The following CFAP91 variants were observed in gnomAD, a reference collection of about 807,000 sequenced individuals.
CFAP91 encodes the protein cilia- and flagella-associated protein 91.
A neutral mutation model predicts 95.9 loss-of-function variants in CFAP91; 85 were observed. The ratio of observed to expected loss-of-function variants is 0.89; its 90% CI spans 0.74 to 1.06. CFAP91 has a LOEUF of 1.06. Among genes scored for constraint, CFAP91 ranks in the 50% least tolerant of loss-of-function variants. The pLI is 0.00. For missense variants in CFAP91, 962 were observed against 943.4 expected (o/e 1.02, Z -0.26); for synonymous variants, 335 against 327.5 (o/e 1.02, Z -0.25).
chr3:119,716,598 T>C (rs1473800790), intron 6 of CFAP91, among the ~76,000 whole-genome samples: 1 of 152,096 alleles, frequency 6.6e-6, no homozygotes, highest in Non-Finnish European at 1.5e-5. Context: ...CACCCATACT[T>C]TTTTTTGAGA....
intron 10 of CFAP91, among the ~76,000 whole-genome samples, chr3:119,734,575 A>G (rs1405455417): frequency 6.6e-6 from 1 of 152,216 alleles, no homozygotes; most frequent in Admixed American, 6.5e-5. Flanking sequence ...AGTAACATTT[A>G]TAATTGTTTA....
intron 8 of CFAP91, among the ~76,000 whole-genome samples, chr3:119,730,710 T>C (rs1322315883): frequency 2.0e-5 from 3 of 151,870 alleles, no homozygotes; most frequent in Non-Finnish European, 4.4e-5. Context: ...AAGAGCCCTG[T>C]TTCTTACCCT....
At chr3:119,708,443 T>A in intron 3 of CFAP91, 148 bp from the exon 4 acceptor site, 2 of 595,526 alleles carry the variant, frequency 3.4e-6, no homozygotes, top group Admixed American at 3.3e-5. Context: ...CTCTAAGTTG[T>A]ATGGCAGTCA....
rs770241213 is a variant in CFAP91, at chr3:119,747,270, A to G, written c.2051+7A>G. 11 of 1,611,502 alleles carry G rather than the reference A, an allele frequency of 6.8e-6. No homozygotes were observed. Among genetic ancestry groups the G allele is most frequent in the Non-Finnish European group, 9.3e-6 (11 of 1,179,064 alleles). On this transcript the variant is annotated splice_region_variant and intron_variant, in intron 15 of 17. Coordinates refer to ENST00000273390, the MANE Select transcript of CFAP91 (RefSeq NM_033364.4). ...CTTATGAAATGGAAAGCCGGTGTGT[A>G]TCAAGAGAACAGATTGTAGAATGGA...
In CFAP91 at chr3:119,703,238, G is replaced by T. The variant is rs373072886; in HGVS notation, c.124+16G>T. 1.9e-6 allele frequency: 3 copies of T among 1,610,726 alleles called. No individual in the cohort carries two copies. The highest frequency in any genetic ancestry group is 1.3e-5 in the African/African-American group (1 of 74,898). On this transcript the variant is annotated intron_variant, in intron 1 of 17. Coordinates refer to ENST00000273390, the MANE Select transcript of CFAP91 (RefSeq NM_033364.4). ...TTTCTGTACGGTAAGGACCGCCGCA[G>T]ACCTTCCTCCGCGTCCGTCGCCTCC...
intron 7 of CFAP91, among the ~76,000 whole-genome samples, chr3:119,727,683 A>T (rs2053810454): frequency 6.6e-6 from 1 of 152,200 alleles, no homozygotes; most frequent in Non-Finnish European, 1.5e-5. Context: ...AACCCCTCTC[A>T]GGCTGTGTCT....
At position 119,730,347 on chromosome 3, in the gene CFAP91, A is replaced by G. The variant is rs891461461; in HGVS notation, c.988A>G (p.Met330Val). ...SKLQEGKEAK[M>V]AKIQRTHVST... ...ACTGCAGGAGGGAAAAGAGGCAAAA[A>G]TGGCAAAAATTCAGCGCACGCATGT... The change falls in exon 8 of 18, where the codon ATG (methionine) becomes GTG (valine). Residue 330 changes from methionine (M) to valine (V), a missense_variant. Physicochemically the swap from Met to Val is conservative, Grantham distance 21 (BLOSUM62 1). Coordinates refer to ENST00000273390, the MANE Select transcript of CFAP91 (RefSeq NM_033364.4). The G allele has an allele frequency of 1.9e-6, 3 of 1,614,060 alleles. No homozygotes were observed. Among genetic ancestry groups the G allele is most frequent in the African/African-American group, 2.7e-5 (2 of 74,932 alleles).
In CFAP91 at chr3:119,740,034, C is replaced by T. The variant is rs552947642; in HGVS notation, c.1534-515C>T. On this transcript the variant is annotated intron_variant, in intron 12 of 17. Coordinates refer to ENST00000273390, the MANE Select transcript of CFAP91 (RefSeq NM_033364.4). ...AATTTTTTTTCCCAGATAGCTATAA[C>T]TCATAAGAGATTCAGATATGATGAG... is the stretch of plus-strand genomic sequence containing the variant. Among the ~76,000 whole-genome samples the T allele has an allele frequency of 3.3e-5, 5 of 152,290 alleles. 1 individual carries two copies. In the South Asian group the frequency reaches 1.0e-3, roughly 32 times the overall value.
At position 119,707,518 on chromosome 3, in the gene CFAP91, G is replaced by A. The variant is rs2053388691; in HGVS notation, c.316G>A (p.Gly106Arg). 2 of 1,594,576 alleles carry A rather than the reference G, an allele frequency of 1.3e-6. No homozygotes were observed. The highest frequency in any genetic ancestry group is 1.7e-6 in the Non-Finnish European group (2 of 1,166,736). Residue 106 changes from glycine (G) to arginine (R), a missense_variant, in exon 3 of 18, where the codon GGA becomes AGA. Coordinates refer to ENST00000273390, the MANE Select transcript of CFAP91 (RefSeq NM_033364.4). Reference protein sequence around the residue: ...VPPFISREWKGHKEKHREALR... With the variant: ...VPPFISREWKRHKEKHREALR... Reference sequence around the variant, plus strand: ...ACCATTTATCAGTCGGGAATGGAAGGGACATAAGGAGAAACACAGAGAAGC... The same window carrying A: ...ACCATTTATCAGTCGGGAATGGAAGAGACATAAGGAGAAACACAGAGAAGC...
intron 13 of CFAP91, among the ~76,000 whole-genome samples, chr3:119,742,036 A>G (rs940694617): frequency 3.2e-4 from 48 of 152,208 alleles, no homozygotes; most frequent in Non-Finnish European, 7.1e-4. Context: ...TGGAAGCGCT[A>G]GGCCCTGAGA....
In CFAP91 at chr3:119,727,057, T is replaced by G. The variant is rs1299851181; in HGVS notation, c.860+709T>G. Reference sequence around the variant, plus strand: ...CTGATATGTGGAAATGATAAGAGATTATGAGAACCAAAAAATTATAACTCT... The same window carrying G: ...CTGATATGTGGAAATGATAAGAGATGATGAGAACCAAAAAATTATAACTCT... On this transcript the variant is annotated intron_variant, in intron 7 of 17. Transcript: ENST00000273390. Among the ~76,000 whole-genome samples the G allele has an allele frequency of 8.5e-5, 13 of 152,278 alleles. No individual in the cohort carries two copies. In the East Asian group the frequency reaches 2.3e-3, roughly 27 times the overall value.
intron 17 of CFAP91, among the ~76,000 whole-genome samples, chr3:119,761,458 T>C (rs903013221): frequency 3.3e-5 from 5 of 151,884 alleles, no homozygotes; most frequent in Middle Eastern, 3.4e-3. Context: ...TCCAAAAAAA[T>C]TGAAGAGGAG....
At chr3:119,704,978 C>T (rs2053330350) in intron 1 of CFAP91, among the ~76,000 whole-genome samples, 1 of 152,156 alleles carries the variant, frequency 6.6e-6, no homozygotes, top group Admixed American at 6.5e-5. Context: ...GTAGGCTATA[C>T]CAGCTAGGTT....
At chr3:119,734,951 A>G (rs956695027) in intron 10 of CFAP91, among the ~76,000 whole-genome samples, 1 of 152,184 alleles carries the variant, frequency 6.6e-6, no homozygotes, top group Non-Finnish European at 1.5e-5. Context: ...CAATTTCTTT[A>G]CAACTTATAG....
At chr3:119,747,702 A>G in intron 15 of CFAP91, 109 bp from the exon 16 acceptor site, 1 of 847,280 alleles carries the variant, frequency 1.2e-6, no homozygotes, top group Non-Finnish European at 1.8e-6. Context: ...AATCAAGGAA[A>G]AGGTGATGGT....
chr3:119,711,874 T>C (rs2053478802), intron 5 of CFAP91, among the ~76,000 whole-genome samples: 1 of 152,164 alleles, frequency 6.6e-6, no homozygotes, highest in Non-Finnish European at 1.5e-5. Flanking sequence ...TAGAACAGGA[T>C]TTGCTAGGTT....
chr3:119,756,347 A>G (rs983397107), intron 17 of CFAP91, among the ~76,000 whole-genome samples: 1 of 152,202 alleles, frequency 6.6e-6, no homozygotes, highest in Non-Finnish European at 1.5e-5. Flanking sequence ...CATATTCTTC[A>G]TGCAAACATA....
At chr3:119,730,405 C>A (rs771411833) in intron 8 of CFAP91, 28 bp downstream of exon 8, 1 of 1,595,404 alleles carries the variant, frequency 6.3e-7, no homozygotes, top group Non-Finnish European at 8.5e-7. Context: ...ACAATGAAGA[C>A]GGTGGAAAAG....
intron 17 of CFAP91, among the ~76,000 whole-genome samples, chr3:119,764,376 A>G (rs1490004270): frequency 1.3e-5 from 2 of 152,152 alleles, no homozygotes; most frequent in African/African-American, 4.8e-5. Context: ...ATACTGTTAT[A>G]TAAAATTTAT....
Sources: allele counts gnomAD v4.1 joint callset (sites outside exome capture counted in the v4.1 genomes callset), GRCh38; gene constraint gnomAD v4.1.1; transcripts MANE v1.5; gene names NCBI Gene and HGNC (gene_info 2026-07-23, HGNC 2026-07-21).